PCDH9: variants seen among roughly 807,000 people sequenced by gnomAD.
PCDH9 encodes the protein protocadherin-9.
PCDH9 carries 24 observed loss-of-function variants against 70.6 expected under a neutral mutation model. The observed-to-expected ratio is 0.34, with a 90% confidence interval of 0.25 to 0.48. The LOEUF is 0.48. Among genes scored for constraint, PCDH9 ranks in the 20% least tolerant of loss-of-function variants. The pLI is 0.99. For synonymous variants in PCDH9, 562 were observed against 558.5 expected (o/e 1.01, Z -0.09); for missense variants, 1,281 against 1,503.6 (o/e 0.85, Z 2.45).
chr13:66,623,385 C>T (rs2077455819), intron 4 of PCDH9, among the ~76,000 whole-genome samples: 1 of 152,144 alleles, frequency 6.6e-6, no homozygotes, highest in Non-Finnish European at 1.5e-5. Context: ...TGGAGTCAGA[C>T]ACTCCTGAGT....
At chr13:66,502,090 G>A (rs563286390) in intron 4 of PCDH9, among the ~76,000 whole-genome samples, 17 of 152,084 alleles carry the variant, frequency 1.1e-4, no homozygotes, top group Non-Finnish European at 2.2e-4. Flanking sequence ...TACCTGTTAT[G>A]GTAGCTGTTA....
At chr13:66,878,450 C>T (rs1052095980) in intron 3 of PCDH9, among the ~76,000 whole-genome samples, 1 of 152,114 alleles carries the variant, frequency 6.6e-6, no homozygotes. Context: ...TAGTCTGGAA[C>T]TCCTGAACTC....
chr13:66,402,697 A>G (rs1225509225), intron 4 of PCDH9, among the ~76,000 whole-genome samples: 2 of 152,284 alleles, frequency 1.3e-5, no homozygotes, highest in East Asian at 3.9e-4. Context: ...CTCTGCTGCA[A>G]ACTTCGGTTT....
intron 3 of PCDH9, among the ~76,000 whole-genome samples, chr13:66,824,880 A>G (rs1406177904): frequency 2.0e-5 from 3 of 151,042 alleles, no homozygotes; most frequent in African/African-American, 7.3e-5. Flanking sequence ...TGTCTAAAAG[A>G]CTCTATCCTC....
chr13:66,594,699 C>G (rs921916280), intron 4 of PCDH9, among the ~76,000 whole-genome samples: 2 of 151,360 alleles, frequency 1.3e-5, no homozygotes, highest in African/African-American at 4.8e-5. Flanking sequence ...TTGTTCCCCT[C>G]CCTGTTGTGT....
rs182613654 is a variant in PCDH9, at chr13:66,843,573, A to C, written c.3138+59931T>G. On this transcript the variant is annotated intron_variant, in intron 3 of 4. Transcript: ENST00000377865. ...CCTTCAGTCTCTGAATCTGAGGCCA[A>C]GGACAAGCAAGGCCCATTAGAAACA... Among the ~76,000 whole-genome samples the C allele has an allele frequency of 4.1e-4, 62 of 152,362 alleles. 1 individual carries two copies. The East Asian group carries it at 0.012, about 29-fold the overall frequency.
rs1958381263 is a variant in PCDH9 at position 66,459,540 on chromosome 13, T to C, written c.3341-154512A>G. 2.0e-5 allele frequency among the ~76,000 whole-genome samples: 3 copies of C among 151,880 alleles called. No individual in the cohort carries two copies. The Admixed American group carries it at 2.0e-4, about 10-fold the overall frequency. ...GGGTATATTCATTGATGTAAGTTTCTGGAGTGCTTAAAAATGTAAAACCAC... is the reference window on the plus strand; with the variant it reads ...GGGTATATTCATTGATGTAAGTTTCCGGAGTGCTTAAAAATGTAAAACCAC... On this transcript the variant is annotated intron_variant, in intron 4 of 4. Coordinates refer to ENST00000377865, the MANE Select transcript of PCDH9 (RefSeq NM_203487.3).
chr13:66,416,485 A>G (rs191305350), intron 4 of PCDH9, among the ~76,000 whole-genome samples: 1 of 152,314 alleles, frequency 6.6e-6, no homozygotes, highest in East Asian at 1.9e-4. Flanking sequence ...TAATACTTTT[A>G]TAAATGTCTA....
chr13:66,746,218 AAC>A (rs2079360702), intron 3 of PCDH9, among the ~76,000 whole-genome samples: 1 of 152,224 alleles, frequency 6.6e-6, no homozygotes, highest in African/African-American at 2.4e-5. Flanking sequence ...ACCATCTAAA[AAC>A]AATGCTATGT....
chr13:67,063,007 T>C (rs777655114), intron 2 of PCDH9, among the ~76,000 whole-genome samples: 43 of 152,252 alleles, frequency 2.8e-4, no homozygotes, highest in Non-Finnish European at 4.4e-4. Context: ...ACTTAAAGGT[T>C]ATGCAAATCA....
rs530818159 is a variant in PCDH9 at position 66,934,590 on chromosome 13, T to C, written c.3037-30985A>G. On this transcript the variant is annotated intron_variant, in intron 2 of 4. Transcript: ENST00000377865. Reference sequence around the variant, plus strand: ...AAAAATACAAAAACTCCTTGAAGCATAGGAACAAAAAGCAGATAAAGCAAA... The same window carrying C: ...AAAAATACAAAAACTCCTTGAAGCACAGGAACAAAAAGCAGATAAAGCAAA... Among the ~76,000 whole-genome samples, 3 of 115,414 alleles carry C rather than the reference T, an allele frequency of 2.6e-5. No homozygotes were observed. The South Asian group carries it at 9.1e-4, about 35-fold the overall frequency. 75.7% of individuals were successfully genotyped at this position (115,414 alleles called of 152,430 possible).
intron 2 of PCDH9, among the ~76,000 whole-genome samples, chr13:67,111,166 T>C (rs2086651839): frequency 6.6e-6 from 1 of 152,202 alleles, no homozygotes; most frequent in South Asian, 2.1e-4. Flanking sequence ...CATATATATG[T>C]TTATTTATAA....
chr13:66,873,675 C>T (rs561574493), intron 3 of PCDH9, among the ~76,000 whole-genome samples: 7 of 152,034 alleles, frequency 4.6e-5, no homozygotes, highest in Non-Finnish European at 8.8e-5. Context: ...CTCCCACACT[C>T]CCACTCCCAT....
At chr13:66,672,827 C>A (rs1313271798) in intron 3 of PCDH9, among the ~76,000 whole-genome samples, 1 of 152,176 alleles carries the variant, frequency 6.6e-6, no homozygotes, top group Non-Finnish European at 1.5e-5. Flanking sequence ...CCTGTAGCCC[C>A]TTCATTTTGG....
chr13:66,473,385 T>A (rs1426471379), intron 4 of PCDH9, among the ~76,000 whole-genome samples: 2 of 104,734 alleles, frequency 1.9e-5, no homozygotes, highest in Non-Finnish European at 4.3e-5. Context: ...AGCTATATGT[T>A]TTTTTTTCAT....
chr13:66,777,400 C>T (rs1435765410), intron 3 of PCDH9, among the ~76,000 whole-genome samples: 2 of 151,632 alleles, frequency 1.3e-5, no homozygotes, highest in Admixed American at 1.3e-4. Context: ...GGGCTAATAT[C>T]CAGAATCTAC....
At chr13:66,831,477 T>C (rs2080924046) in intron 3 of PCDH9, among the ~76,000 whole-genome samples, 1 of 152,170 alleles carries the variant, frequency 6.6e-6, no homozygotes, top group East Asian at 1.9e-4. Context: ...TATTCACCTT[T>C]TGTGTTTATT....
At chr13:66,642,791 G>T (rs2138968552) in intron 3 of PCDH9, among the ~76,000 whole-genome samples, 1 of 151,928 alleles carries the variant, frequency 6.6e-6, no homozygotes, top group Middle Eastern at 3.4e-3. Context: ...AATTCCATTA[G>T]AAAAGTGGAA....
chr13:66,923,661 A>G (rs2139647810), intron 2 of PCDH9, among the ~76,000 whole-genome samples: 1 of 151,796 alleles, frequency 6.6e-6, no homozygotes, highest in Non-Finnish European at 1.5e-5. Context: ...AGGAAACTGA[A>G]GCATAGAATG....
Sources: gnomAD v4.1 joint callset for allele counts (sites outside exome capture counted in the v4.1 genomes callset) on GRCh38, gnomAD v4.1.1 for gene constraint, MANE v1.5 for transcripts, NCBI Gene and HGNC (gene_info 2026-07-23, HGNC 2026-07-21) for gene names.